DMTF1: variants seen among roughly 807,000 people sequenced by gnomAD.
DMTF1 encodes the protein cyclin D binding myb like transcription factor 1.
In DMTF1, 39 loss-of-function variants were observed where a neutral mutation model predicts 91.1. That is an observed-to-expected ratio of 0.43 (90% CI 0.33 to 0.56). The LOEUF (loss-of-function observed/expected upper bound fraction) is 0.56, where lower values mean the gene tolerates loss of function less well. DMTF1 is among the 20% of genes least tolerant of loss of function. DMTF1 has a pLI of 0.05. For synonymous variants in DMTF1, 338 were observed against 309.5 expected (o/e 1.09, Z -0.97); for missense variants, 750 against 914.5 (o/e 0.82, Z 2.32).
intron 1 of DMTF1, among the ~76,000 whole-genome samples, chr7:87,159,945 A>G (rs1791828428): frequency 6.6e-6 from 1 of 152,224 alleles, no homozygotes; most frequent in African/African-American, 2.4e-5. Flanking sequence ...TACGTGTTAC[A>G]TGACTGTCTT....
chr7:87,155,091 T>G (rs1363426126), intron 1 of DMTF1, among the ~76,000 whole-genome samples: 1 of 152,236 alleles, frequency 6.6e-6, no homozygotes, highest in African/African-American at 2.4e-5. Flanking sequence ...TGAGGATGAA[T>G]GGGATAATGT....
At chr7:87,171,832 C>T (rs1036874328) in intron 5 of DMTF1, among the ~76,000 whole-genome samples, 1 of 152,110 alleles carries the variant, frequency 6.6e-6, no homozygotes, top group African/African-American at 2.4e-5. Flanking sequence ...ACCTGAGTTT[C>T]CTGCTGTTGT....
At chr7:87,176,463 G>A (rs906321619) in intron 7 of DMTF1, among the ~76,000 whole-genome samples, 1 of 152,184 alleles carries the variant, frequency 6.6e-6, no homozygotes, top group Non-Finnish European at 1.5e-5. Context: ...TGATCTCAAG[G>A]ACCCTTCCAA....
chr7:87,184,266 C>T (rs1797963702), intron 10 of DMTF1, 131 bp from the exon 11 acceptor site: 4 of 793,686 alleles, frequency 5.0e-6, no homozygotes, highest in Non-Finnish European at 5.9e-6. Context: ...TATGGTTTTC[C>T]ACCAGAGGGT....
intron 1 of DMTF1, among the ~76,000 whole-genome samples, chr7:87,156,626 A>T (rs34110100): frequency 1.3e-5 from 2 of 152,090 alleles, no homozygotes; most frequent in African/African-American, 4.8e-5. Flanking sequence ...TGAAGATGTT[A>T]TGCTTATTCT....
chr7:87,157,405 A>G (rs1791043014), intron 1 of DMTF1, among the ~76,000 whole-genome samples: 1 of 152,146 alleles, frequency 6.6e-6, no homozygotes, highest in Non-Finnish European at 1.5e-5. Flanking sequence ...AATAGCATCT[A>G]AACTCTTTCA....
intron 7 of DMTF1, among the ~76,000 whole-genome samples, chr7:87,177,325 A>G (rs981801067): frequency 1.4e-4 from 22 of 152,232 alleles, no homozygotes; most frequent in African/African-American, 5.3e-4. Flanking sequence ...CATTTGTACC[A>G]ATCTAGTGGG....
chr7:87,154,592 C>T (rs1790193052), intron 1 of DMTF1: 1 of 152,544 alleles, frequency 6.6e-6, no homozygotes, highest in Non-Finnish European at 1.5e-5. Flanking sequence ...TATATGAATA[C>T]ATTATTTTAT....
intron 7 of DMTF1, among the ~76,000 whole-genome samples, chr7:87,177,325 A>C (rs981801067): frequency 6.6e-6 from 1 of 152,116 alleles, no homozygotes; most frequent in African/African-American, 2.4e-5. Flanking sequence ...CATTTGTACC[A>C]ATCTAGTGGG....
intron 1 of DMTF1, among the ~76,000 whole-genome samples, chr7:87,160,419 C>T (rs1353360405): frequency 6.6e-6 from 1 of 151,892 alleles, no homozygotes; most frequent in African/African-American, 2.4e-5. Flanking sequence ...GGATTACAGG[C>T]GCCTGCCACC....
In DMTF1 at chr7:87,174,594, A is replaced by T; in HGVS notation, c.444A>T (p.Gly148=). Residue 148 remains glycine, a splice_region_variant and synonymous_variant, in exon 7 of 18, where the codon GGA becomes GGT. Transcript: ENST00000331242. ...AACATTACTTGTTTTCTTTTAAAGG[A>T]CATAAATGGAAGCAGGGGATGTGGT... The part of the protein sequence containing the change: ...KEDKDSLTNK[G]HKWKQGMWSK... 1 of 1,600,174 alleles carries T rather than the reference A, an allele frequency of 6.2e-7. No homozygotes were observed. Among genetic ancestry groups the T allele is most frequent in the Non-Finnish European group, 8.5e-7 (1 of 1,170,036 alleles).
intron 1 of DMTF1, among the ~76,000 whole-genome samples, chr7:87,162,275 A>G (rs1006317473): frequency 1.3e-5 from 2 of 152,044 alleles, no homozygotes; most frequent in Non-Finnish European, 2.9e-5. Context: ...AGATCTCACT[A>G]TCTCAGGCTG....
chr7:87,192,303 C>T (rs551821018), intron 14 of DMTF1, among the ~76,000 whole-genome samples: 179 of 151,988 alleles, frequency 1.2e-3, no homozygotes, highest in Non-Finnish European at 2.0e-3. Flanking sequence ...TAAAATAAAG[C>T]CTCACATTTG....
intron 13 of DMTF1, among the ~76,000 whole-genome samples, chr7:87,188,754 C>T (rs1184336679): frequency 6.6e-6 from 1 of 152,038 alleles, no homozygotes; most frequent in Non-Finnish European, 1.5e-5. Context: ...GAATGATTTT[C>T]TTCAGGGAGT....
At position 87,190,233 on chromosome 7, in the gene DMTF1, GCT is replaced by G. The variant is rs147583867; in HGVS notation, c.1412-707_1412-706del. Among the ~76,000 whole-genome samples, 16 of 151,858 alleles carry G rather than the reference GCT, an allele frequency of 1.1e-4. No individual in the cohort carries two copies. In the East Asian group the frequency reaches 2.9e-3, roughly 28 times the overall value. ...CCCAAATGTGGTCTTCGGAAATAAT[GCT>G]CTCTTAACATTTATTTGTGTTTACA... On this transcript the variant is annotated intron_variant, in intron 13 of 17. Coordinates refer to ENST00000331242, the MANE Select transcript of DMTF1 (RefSeq NM_001142327.2).
chr7:87,175,024 GTT>G (rs1277996073), intron 7 of DMTF1, among the ~76,000 whole-genome samples: 3 of 138,182 alleles, frequency 2.2e-5, no homozygotes, highest in Admixed American at 7.2e-5. Context: ...TTTTGTTTTT[GTT>G]TTTTTTTTTT....
intron 3 of DMTF1, 110 bp from the exon 4 acceptor site, chr7:87,166,373 A>G: frequency 8.7e-7 from 1 of 1,147,908 alleles, no homozygotes; most frequent in Non-Finnish European, 1.2e-6. Context: ...TAAATGAGCA[A>G]ATTGGTAAGA....
chr7:87,185,994 T>TA lies in DMTF1; in HGVS notation c.1201+15dup, dbSNP rs1252023731. On this transcript the variant is annotated intron_variant, in intron 12 of 17. Transcript: ENST00000331242. ...TTTCGTTCCCTGGTAATGTATTACT[T>TA]ACTTTTTAAGCTCCTCCCCTTTTCT... 1.9e-6 allele frequency: 3 copies of TA among 1,613,432 alleles called. No homozygotes were observed. The highest frequency in any genetic ancestry group is 2.5e-6 in the Non-Finnish European group (3 of 1,179,622).
Position 87,193,994 on chromosome 7 carries a change from C to G in DMTF1, c.1920C>G (p.Ser640Arg). Residue 640 changes from serine to arginine, a missense_variant, in exon 16 of 18, where the codon AGC becomes AGG. Around this residue, in one of 3 missense-constraint regions of DMTF1, gnomAD observed 410 missense variants for 420.2 expected, o/e 0.98. Coordinates refer to ENST00000331242, the MANE Select transcript of DMTF1 (RefSeq NM_001142327.2). ...AHVSKFSDQN[S>R]TELMNSVMVR... Reference sequence around the variant, plus strand: ...TATCCAAATTCAGTGACCAAAATAGCACAGAACTGATGAATAGTGTTATGG... The same window carrying G: ...TATCCAAATTCAGTGACCAAAATAGGACAGAACTGATGAATAGTGTTATGG... 2 of 1,613,282 alleles carry G rather than the reference C, an allele frequency of 1.2e-6. No individual in the cohort carries two copies. Among genetic ancestry groups the G allele is most frequent in the Non-Finnish European group, 1.7e-6 (2 of 1,179,572 alleles).
Sources: allele counts gnomAD v4.1 joint callset (sites outside exome capture counted in the v4.1 genomes callset), GRCh38; gene constraint gnomAD v4.1.1; regional missense constraint gnomAD v4.1.1; transcripts MANE v1.5; gene names NCBI Gene and HGNC (gene_info 2026-07-23, HGNC 2026-07-21).